EML4: variants seen among roughly 807,000 people sequenced by gnomAD.
EML4 encodes the protein echinoderm microtubule-associated protein-like 4.
A neutral mutation model predicts 129.0 loss-of-function variants in EML4; 72 were observed. That is an observed-to-expected ratio of 0.56 (90% CI 0.46 to 0.68). The LOEUF (loss-of-function observed/expected upper bound fraction) is 0.68. Among genes scored for constraint, EML4 ranks in the 30% least tolerant of loss-of-function variants. The probability of loss-of-function intolerance (pLI) is 0.00; values close to 1 mark genes in which losing one functional copy is unlikely to be tolerated. For missense variants in EML4, 1,363 were observed against 1,190.6 expected, an observed-to-expected ratio of 1.14 and a Z score of -2.13; for synonymous variants, 532 against 405.0, an observed-to-expected ratio of 1.31 and a Z score of -3.77.
At chr2:42,296,138 G>A (rs767845045) in intron 13 of EML4, among the ~76,000 whole-genome samples, 1 of 151,882 alleles carries the variant, frequency 6.6e-6, no homozygotes, top group Non-Finnish European at 1.5e-5. Flanking sequence ...CCCATTTTTC[G>A]TTACTATTTA....
chr2:42,304,560 T>C lies in EML4; in HGVS notation c.1967+9T>C. On this transcript the variant is annotated intron_variant, in intron 17 of 22. Coordinates refer to ENST00000318522, the MANE Select transcript of EML4 (RefSeq NM_019063.5). Reference sequence around the variant, plus strand: ...GGAACGCACTCAGGCAGGTAGGGTCTTTAAGTGAACTGAGTAATCTGAAGT... The same window carrying C: ...GGAACGCACTCAGGCAGGTAGGGTCCTTAAGTGAACTGAGTAATCTGAAGT... 6.2e-7 allele frequency: 1 copy of C among 1,609,354 alleles called. No individual in the cohort carries two copies. The highest frequency in any genetic ancestry group is 8.5e-7 in the Non-Finnish European group (1 of 1,175,644).
At chr2:42,289,530 A>C (rs565127756) in intron 11 of EML4, 1 of 152,116 alleles carries the variant, frequency 6.6e-6, no homozygotes, top group African/African-American at 2.4e-5. Flanking sequence ...CTCTACCACA[A>C]ATGAAAATCA....
In EML4 at chr2:42,169,639, G is replaced by T; in HGVS notation, c.25+3G>T. ...GGACGGTTTCGCCGGCAGTCTCGGT[G>T]AGTACGGCTGGGGAGTCCTGCGTCT... is the stretch of plus-strand genomic sequence containing the variant. On this transcript the variant is annotated splice_donor_region_variant and intron_variant, in intron 1 of 22. Coordinates refer to ENST00000318522, the MANE Select transcript of EML4 (RefSeq NM_019063.5). The T allele has an allele frequency of 6.2e-7, 1 of 1,602,906 alleles. No individual in the cohort carries two copies.
At chr2:42,198,488 T>G (rs1672026456) in intron 1 of EML4, among the ~76,000 whole-genome samples, 1 of 152,090 alleles carries the variant, frequency 6.6e-6, no homozygotes, top group Non-Finnish European at 1.5e-5. Flanking sequence ...GAGGATTGCT[T>G]GAGACCAGGA....
intron 1 of EML4, among the ~76,000 whole-genome samples, chr2:42,178,853 G>A (rs959815500): frequency 2.0e-5 from 3 of 152,158 alleles, no homozygotes; most frequent in Admixed American, 1.3e-4. Context: ...ATCTGGGAGT[G>A]TAGGCAAAAG....
intron 4 of EML4, among the ~76,000 whole-genome samples, chr2:42,262,036 C>A (rs549247185): frequency 5.9e-5 from 9 of 152,086 alleles, no homozygotes; most frequent in East Asian, 1.9e-4. Context: ...AATGCTTATT[C>A]AAGCCTTGTG....
intron 6 of EML4, among the ~76,000 whole-genome samples, chr2:42,272,633 A>G (rs1335229504): frequency 6.6e-6 from 1 of 152,226 alleles, no homozygotes; most frequent in African/African-American, 2.4e-5. Context: ...GTTAACTGGC[A>G]GACTTGAAGA....
At chr2:42,214,414 C>G (rs1327018631) in intron 1 of EML4, among the ~76,000 whole-genome samples, 5 of 151,580 alleles carry the variant, frequency 3.3e-5, no homozygotes, top group Non-Finnish European at 5.9e-5. Context: ...TTTTCCTCAC[C>G]TACTTATCCT....
At position 42,283,139 on chromosome 2, in the gene EML4, C is replaced by T. The variant is rs1667102947; in HGVS notation, c.941+167C>T. Among the ~76,000 whole-genome samples, 3 of 152,170 alleles carry T rather than the reference C, an allele frequency of 2.0e-5. No individual in the cohort carries two copies. In the South Asian group the frequency reaches 6.2e-4, roughly 32 times the overall value. On this transcript the variant is annotated intron_variant, in intron 8 of 22. Transcript: ENST00000318522. Reference sequence around the variant, plus strand: ...TAAAAAGAAAAAAAGGACTTTCGGCCTCCAAAATGGTGGTGTGGTATCAGC... The same window carrying T: ...TAAAAAGAAAAAAAGGACTTTCGGCTTCCAAAATGGTGGTGTGGTATCAGC...
In EML4 at chr2:42,331,231, A is replaced by C. The variant is rs2103856031; in HGVS notation, c.*1024A>C. ...AGGGATAAGATACTCATCAAATTGCAAATTCTTTTTTTTACAGAAGTGTGG... is the reference window on the plus strand; with the variant it reads ...AGGGATAAGATACTCATCAAATTGCCAATTCTTTTTTTTACAGAAGTGTGG... On this transcript the variant is annotated 3_prime_UTR_variant, in exon 23 of 23. Coordinates refer to ENST00000318522, the MANE Select transcript of EML4 (RefSeq NM_019063.5). 1 of 221,330 alleles carries C rather than the reference A, an allele frequency of 4.5e-6. No homozygotes were observed. Among genetic ancestry groups the C allele is most frequent in the Admixed American group, 5.8e-5 (1 of 17,390 alleles). The allele number at this position is 221,330 out of a possible 1,614,324, so 13.7% of individuals were successfully genotyped here. A position where few individuals can be genotyped will look rare whatever the true frequency, so the allele number is the denominator to read the frequency against.
intron 1 of EML4, among the ~76,000 whole-genome samples, chr2:42,188,650 C>T (rs986573429): frequency 4.6e-5 from 7 of 151,702 alleles, no homozygotes; most frequent in African/African-American, 1.7e-4. Flanking sequence ...TGTTAGCCTC[C>T]CGAGTAGCAG....
rs541553137 is a variant in EML4, at chr2:42,240,404, T to C, written c.26-5101T>C. Among the ~76,000 whole-genome samples the C allele has an allele frequency of 9.8e-5, 15 of 152,360 alleles. No individual in the cohort carries two copies. In the South Asian group the frequency reaches 3.1e-3, roughly 32 times the overall value. ...TTTGATGTGTGTACTTCACAACTTCTTTCTGTGTACATTATATATACATAT... is the reference window on the plus strand; with the variant it reads ...TTTGATGTGTGTACTTCACAACTTCCTTCTGTGTACATTATATATACATAT... On this transcript the variant is annotated intron_variant, in intron 1 of 22. Transcript: ENST00000318522.
rs532929940 is a variant in EML4, at chr2:42,192,246, G to C, written c.25+22610G>C. On this transcript the variant is annotated intron_variant, in intron 1 of 22. Transcript: ENST00000318522. ...GTTGTTTTTTTGTTTTTTTTTTTGG[G>C]GGGGGGAGGTGTAGTCTTGCTCCTC... Among the ~76,000 whole-genome samples, 38 of 148,058 alleles carry C rather than the reference G, an allele frequency of 2.6e-4. No individual in the cohort carries two copies. The East Asian group carries it at 3.8e-3, about 15-fold the overall frequency.
At chr2:42,185,591 T>C (rs765540931) in intron 1 of EML4, among the ~76,000 whole-genome samples, 3 of 152,124 alleles carry the variant, frequency 2.0e-5, no homozygotes, top group East Asian at 3.9e-4. Flanking sequence ...CATGGGGTCA[T>C]TGGGGAACTG....
At chr2:42,312,177 C>A (rs1278761854) in intron 17 of EML4, among the ~76,000 whole-genome samples, 1 of 152,176 alleles carries the variant, frequency 6.6e-6, no homozygotes, top group Non-Finnish European at 1.5e-5. Context: ...GAAGCTTCAG[C>A]TCACAGCTCA....
At chr2:42,236,348 A>G (rs998989583) in intron 1 of EML4, among the ~76,000 whole-genome samples, 4 of 152,118 alleles carry the variant, frequency 2.6e-5, no homozygotes, top group African/African-American at 7.2e-5. Context: ...GTTGTTTCCA[A>G]TTTGTTTTTA....
chr2:42,212,735 C>T (rs1487318924), intron 1 of EML4, among the ~76,000 whole-genome samples: 1 of 152,186 alleles, frequency 6.6e-6, no homozygotes, highest in Non-Finnish European at 1.5e-5. Context: ...ATCTTTATCA[C>T]ATTTTCCAGT....
chr2:42,241,879 G>A (rs1553374075), intron 1 of EML4, among the ~76,000 whole-genome samples: 1 of 150,384 alleles, frequency 6.6e-6, no homozygotes, highest in Non-Finnish European at 1.5e-5. Flanking sequence ...TGTGTCGGGG[G>A]GGGGAAGCTG....
intron 1 of EML4, among the ~76,000 whole-genome samples, chr2:42,201,670 T>G (rs143358659): frequency 2.0e-5 from 3 of 152,310 alleles, no homozygotes; most frequent in Non-Finnish European, 4.4e-5. Context: ...GCCTGTCATT[T>G]GCACAACATG....
Sources: gnomAD v4.1 joint callset for allele counts (sites outside exome capture counted in the v4.1 genomes callset) on GRCh38, gnomAD v4.1.1 for gene constraint, MANE v1.5 for transcripts, NCBI Gene and HGNC (gene_info 2026-07-23, HGNC 2026-07-21) for gene names.